The following NPHP4 variants were observed in gnomAD, a reference collection of about 807,000 sequenced individuals.
NPHP4 encodes nephrocystin-4.
A neutral mutation model predicts 155.8 loss-of-function variants in NPHP4; 151 were observed. That is an observed-to-expected ratio of 0.97 (90% CI 0.85 to 1.11). NPHP4 has a LOEUF of 1.11. Among genes scored for constraint, NPHP4 ranks in the 50% least tolerant of loss-of-function variants. The probability of loss-of-function intolerance (pLI) is 0.00; values close to 1 mark genes in which losing one functional copy is unlikely to be tolerated. For missense variants in NPHP4, 1,956 were observed against 1,925.7 expected, an observed-to-expected ratio of 1.02 and a Z score of -0.29; for synonymous variants, 845 against 816.8, an observed-to-expected ratio of 1.03 and a Z score of -0.59.
intron 8 of NPHP4, among the ~76,000 whole-genome samples, chr1:5,947,649 G>T (rs1198545014): frequency 6.6e-6 from 1 of 152,244 alleles, no homozygotes; most frequent in Non-Finnish European, 1.5e-5. Flanking sequence ...CTGGCACCAT[G>T]AGAGAGGAAA....
Position 5,863,056 on chromosome 1 carries a change from C to T in NPHP4, c.*209G>A, listed in dbSNP as rs1271059087. The T allele has an allele frequency of 1.5e-5, 9 of 602,772 alleles. No homozygotes were observed. Among genetic ancestry groups the T allele is most frequent in the Non-Finnish European group, 1.8e-5 (6 of 336,118 alleles). 37.3% of individuals were successfully genotyped at this position (602,772 alleles called of 1,614,324 possible). The stretch of plus-strand genomic sequence containing the variant: ...GGAGTTCGCGCTCACGGAACCCAGG[C>T]CTGCTGGGTGTCAGCAGCAGCTAAG... On this transcript the variant is annotated 3_prime_UTR_variant, in exon 30 of 30. Coordinates refer to ENST00000378156, the MANE Select transcript of NPHP4 (RefSeq NM_015102.5).
intron 11 of NPHP4, 145 bp from the exon 12 acceptor site, chr1:5,909,358 G>A: frequency 1.4e-6 from 1 of 706,148 alleles, no homozygotes. Context: ...CCGTTCAGGG[G>A]CAACAGCAGC....
chr1:5,907,235 A>G lies in NPHP4; in HGVS notation c.1504-13T>C, dbSNP rs1377755717. ...GGGAAATTGACAACTGGAAGGAAAG[A>G]GAGCACAGGTGAGGGGCTCAGAAGC... On this transcript the variant is annotated splice_polypyrimidine_tract_variant and intron_variant, in intron 12 of 29. Coordinates refer to ENST00000378156, the MANE Select transcript of NPHP4 (RefSeq NM_015102.5). The G allele has an allele frequency of 6.5e-7, 1 of 1,539,266 alleles. No individual in the cohort carries two copies. The highest frequency in any genetic ancestry group is 2.4e-5 in the East Asian group (1 of 41,882).
At chr1:5,965,468 AT>A (rs1651316220) in intron 5 of NPHP4, among the ~76,000 whole-genome samples, 1 of 152,210 alleles carries the variant, frequency 6.6e-6, no homozygotes, top group African/African-American at 2.4e-5. Context: ...AAATCCCAGC[AT>A]ATGACTAATT....
At chr1:5,989,185 ACCATG>A (rs1237242319) in intron 1 of NPHP4, among the ~76,000 whole-genome samples, 1 of 151,874 alleles carries the variant, frequency 6.6e-6, no homozygotes, top group Non-Finnish European at 1.5e-5. Context: ...AACTGCCCAC[ACCATG>A]CCAGCCCAGA....
rs548585338 is a variant in NPHP4, at chr1:5,892,683, G to A, written c.2144-1655C>T. ...TTGGGACGCGCGTACTCTCCCCACT[G>A]CAGCCTCAGACCTCTCCCCTCCCTG... On this transcript the variant is annotated intron_variant, in intron 16 of 29. Coordinates refer to ENST00000378156, the MANE Select transcript of NPHP4 (RefSeq NM_015102.5). The surrounding 1 kb of genome is among the most constrained non-coding windows in gnomAD (Gnocchi z 4.5). Among the ~76,000 whole-genome samples, 2 of 152,126 alleles carry A rather than the reference G, an allele frequency of 1.3e-5. No homozygotes were observed. The highest frequency in any genetic ancestry group is 3.9e-4 in the East Asian group (2 of 5,174).
intron 3 of NPHP4, among the ~76,000 whole-genome samples, chr1:5,974,784 C>T (rs1653234765): frequency 6.6e-6 from 1 of 152,122 alleles, no homozygotes; most frequent in Non-Finnish European, 1.5e-5. Flanking sequence ...ATGCCACAGC[C>T]CCCTCTCTCG....
chr1:5,919,129 G>C (rs1432423415), intron 11 of NPHP4, among the ~76,000 whole-genome samples: 4 of 152,208 alleles, frequency 2.6e-5, no homozygotes, highest in African/African-American at 9.6e-5. Flanking sequence ...AGCTGTGACA[G>C]AGACCATCTT....
In NPHP4 at chr1:5,888,459, C is replaced by A. The variant is rs548681219; in HGVS notation, c.2305-993G>T. 57 of 1,193,754 alleles carry A rather than the reference C, an allele frequency of 4.8e-5. No homozygotes were observed. In the African/African-American group the frequency reaches 8.8e-4, roughly 18 times the overall value. 73.9% of individuals were successfully genotyped at this position (1,193,754 alleles called of 1,614,324 possible). A position where few individuals can be genotyped will look rare whatever the true frequency, so the allele number is the denominator to read the frequency against. ...CTGTCTCTGGGAGTGAGACGCCAGA[C>A]CTGACCCTTCCCTTGTGGGTCTGGG... On this transcript the variant is annotated intron_variant, in intron 17 of 29. Transcript: ENST00000378156.
At chr1:5,964,941 A>ATATATATTTTTT in intron 5 of NPHP4, among the ~76,000 whole-genome samples, 20 of 59,414 alleles carry the variant, frequency 3.4e-4, no homozygotes, top group African/African-American at 9.3e-4. Flanking sequence ...ATATATATAT[A>ATATATATTTTTT]TTTTTTTTTT....
chr1:5,967,746 G>A (rs910177513), intron 4 of NPHP4, among the ~76,000 whole-genome samples: 2 of 152,150 alleles, frequency 1.3e-5, no homozygotes, highest in African/African-American at 4.8e-5. Flanking sequence ...GGCAATGTCT[G>A]GAGACATTTT....
At chr1:5,906,915 C>A (rs960212325) in intron 13 of NPHP4, among the ~76,000 whole-genome samples, 200 bp downstream of exon 13, 1 of 152,242 alleles carries the variant, frequency 6.6e-6, no homozygotes, top group African/African-American at 2.4e-5. Flanking sequence ...GGGCCACATT[C>A]TTCTTTGGTC....
rs1643883452 is a variant in NPHP4, at chr1:5,887,454, G to A, written c.2317C>T (p.Gln773Ter). The A allele has an allele frequency of 6.8e-6, 11 of 1,613,178 alleles. No individual in the cohort carries two copies. Among genetic ancestry groups the A allele is most frequent in the Non-Finnish European group, 9.3e-6 (11 of 1,179,872 alleles). ...GAGGCCTGCACAGCCGGCCGGCCTTGGCGGAGGAGATGCTGCAGAAGAGAA... is the reference window on the plus strand; with the variant it reads ...GAGGCCTGCACAGCCGGCCGGCCTTAGCGGAGGAGATGCTGCAGAAGAGAA... Reference protein sequence around the residue: ...AAVQMKHLLRQGRPAVQASHE... With the variant: ...AAVQMKHLLR The change falls in exon 18 of 30, where the codon CAA becomes TAA. Residue 773 changes from glutamine (Q) to a stop codon, truncating the protein, a stop_gained. Transcript: ENST00000378156. LOFTEE classifies it high-confidence loss of function.
chr1:5,973,414 C>A (rs1202532972), intron 3 of NPHP4, among the ~76,000 whole-genome samples: 5 of 152,200 alleles, frequency 3.3e-5, no homozygotes, highest in Admixed American at 3.3e-4. Context: ...ATATCTAACC[C>A]CAGCTCTACC....
intron 28 of NPHP4, 133 bp downstream of exon 28, chr1:5,864,205 A>T: frequency 8.9e-7 from 1 of 1,123,014 alleles, no homozygotes; most frequent in Non-Finnish European, 1.3e-6. Context: ...AGGAGCAAAC[A>T]CTCATGCACC....
intron 16 of NPHP4, among the ~76,000 whole-genome samples, chr1:5,900,675 A>T (rs1476018255): frequency 6.6e-6 from 1 of 152,178 alleles, no homozygotes; most frequent in Non-Finnish European, 1.5e-5. Flanking sequence ...TGCAGAATGA[A>T]CTTTAGTGTA....
At chr1:5,915,627 C>G (rs114484309) in intron 11 of NPHP4, among the ~76,000 whole-genome samples, 1 of 152,196 alleles carries the variant, frequency 6.6e-6, no homozygotes, top group East Asian at 1.9e-4. Flanking sequence ...GAGTCCAGAT[C>G]GCAGGCAGCC....
rs779790549 is a variant in NPHP4 at position 5,864,517 on chromosome 1, T to C, written c.3817A>G (p.Thr1273Ala). 3.2e-6 allele frequency: 5 copies of C among 1,555,102 alleles called. No homozygotes were observed. In the Admixed American group the frequency reaches 7.6e-5, roughly 24 times the overall value. ...AFTSHPQELK[T>A]DPKGVFVLPP... ...AGCACGAAGACACCTTTGGGGTCTG[T>C]CTTCAAGAGCGAGAGAGGCGGGTCA... The change falls in exon 28 of 30, where the codon ACA (threonine) becomes GCA (alanine). Residue 1273 changes from threonine to alanine, a missense_variant and splice_region_variant. Physicochemically the swap from Thr to Ala is moderately conservative, Grantham distance 58 (BLOSUM62 0). Coordinates refer to ENST00000378156, the MANE Select transcript of NPHP4 (RefSeq NM_015102.5).
At chr1:5,923,642 G>T in intron 11 of NPHP4, among the ~76,000 whole-genome samples, 1 of 152,228 alleles carries the variant, frequency 6.6e-6, no homozygotes, top group East Asian at 1.9e-4. Flanking sequence ...CATTCTTCAT[G>T]GGACACCGGG....
Sources: gnomAD v4.1 joint callset for allele counts (sites outside exome capture counted in the v4.1 genomes callset) on GRCh38, gnomAD v4.1.1 for gene constraint, Gnocchi (gnomAD v3.1) non-coding constraint, MANE v1.5 for transcripts, NCBI Gene and HGNC (gene_info 2026-07-23, HGNC 2026-07-21) for gene names.